The following GREB1L variants were observed in gnomAD, a reference collection of about 807,000 sequenced individuals.
GREB1L encodes the protein GREB1 like retinoic acid receptor coactivator.
In GREB1L, 17 loss-of-function variants were observed where a neutral mutation model predicts 200.8. The observed-to-expected ratio is 0.08, with a 90% CI of 0.06 to 0.13. GREB1L has a LOEUF of 0.13. Ranked by LOEUF, GREB1L falls within the 10% of genes least tolerant of loss-of-function variation. The probability of loss-of-function intolerance (pLI) is 1.00; values close to 1 mark genes in which losing one functional copy is unlikely to be tolerated. For missense variants in GREB1L, 1,657 were observed against 2,367.7 expected (o/e 0.70, Z 6.23); for synonymous variants, 789 against 893.0 (o/e 0.88, Z 2.08).
chr18:21,290,329 AT>A (rs377542452), intron 1 of GREB1L, among the ~76,000 whole-genome samples: 48 of 152,320 alleles, frequency 3.2e-4, no homozygotes, highest in African/African-American at 8.4e-4. Flanking sequence ...GCCTTGCTGT[AT>A]TTTGTATTAA....
At chr18:21,278,858 A>C (rs755813705) in intron 1 of GREB1L, among the ~76,000 whole-genome samples, 1 of 152,210 alleles carries the variant, frequency 6.6e-6, no homozygotes, top group Non-Finnish European at 1.5e-5. Flanking sequence ...AGAAAAACTC[A>C]AGACTTTTGG....
chr18:21,331,913 T>C (rs2039111683), intron 1 of GREB1L, among the ~76,000 whole-genome samples: 1 of 152,174 alleles, frequency 6.6e-6, no homozygotes, highest in Non-Finnish European at 1.5e-5. Flanking sequence ...GTGATAATAT[T>C]TAAGGTATTT....
At chr18:21,382,112 A>G (rs1598728245) in intron 2 of GREB1L, among the ~76,000 whole-genome samples, 1 of 152,328 alleles carries the variant, frequency 6.6e-6, no homozygotes, top group Admixed American at 6.5e-5. Context: ...TGGGAAGCCC[A>G]GGCAGGTGGA....
intron 18 of GREB1L, among the ~76,000 whole-genome samples, chr18:21,489,793 T>G (rs2036259293): frequency 6.6e-6 from 1 of 152,192 alleles, no homozygotes; most frequent in African/African-American, 2.4e-5. Flanking sequence ...ACCCCTTTAC[T>G]GTGCTGTACT....
chr18:21,484,165 C>CATAT (rs1365626759), intron 17 of GREB1L, among the ~76,000 whole-genome samples: 1 of 149,700 alleles, frequency 6.7e-6, no homozygotes, highest in Non-Finnish European at 1.5e-5. Flanking sequence ...TACATACATA[C>CATAT]ATATATATAT....
rs2037630578 is a variant in GREB1L, at chr18:21,523,090, TGAG to T, written c.*275_*277del. ...AAGATACGGTCTGCCCATGGGATCC[TGAG>T]GAGGATATACTTTGGAGAGTGAATA... is the stretch of plus-strand genomic sequence containing the variant. On this transcript the variant is annotated 3_prime_UTR_variant, in exon 33 of 33. Coordinates refer to ENST00000424526, the MANE Select transcript of GREB1L (RefSeq NM_001142966.3). The T allele has an allele frequency of 3.2e-6, 1 of 311,350 alleles. No individual in the cohort carries two copies. The highest frequency in any genetic ancestry group is 5.9e-6 in the Non-Finnish European group (1 of 170,100). The allele number at this position is 311,350 out of a possible 1,614,324, so 19.3% of individuals were successfully genotyped here. A position where few individuals can be genotyped will look rare whatever the true frequency, so the allele number is the denominator to read the frequency against.
At chr18:21,445,541 G>A (rs529017847) in intron 11 of GREB1L, among the ~76,000 whole-genome samples, 2 of 152,274 alleles carry the variant, frequency 1.3e-5, no homozygotes, top group East Asian at 1.9e-4. Flanking sequence ...AAAAATATTA[G>A]TATGCACTCT....
chr18:21,331,055 G>A (rs1040099341), intron 1 of GREB1L, among the ~76,000 whole-genome samples: 2 of 152,166 alleles, frequency 1.3e-5, no homozygotes, highest in African/African-American at 4.8e-5. Flanking sequence ...TTCATCTGCG[G>A]AGTTTTTTTC....
intron 1 of GREB1L, among the ~76,000 whole-genome samples, chr18:21,353,616 A>G (rs2039465362): frequency 6.6e-6 from 1 of 152,214 alleles, no homozygotes; most frequent in Admixed American, 6.5e-5. Flanking sequence ...AACTTTCACT[A>G]TAACATAATA....
At chr18:21,375,060 TTTTG>T (rs2040017430) in intron 2 of GREB1L, among the ~76,000 whole-genome samples, 1 of 136,622 alleles carries the variant, frequency 7.3e-6, no homozygotes, top group Non-Finnish European at 1.5e-5. Context: ...TTGTTTTGTT[TTTTG>T]TTTTTGTTTT....
chr18:21,245,740 C>T (rs2037586935), intron 1 of GREB1L, among the ~76,000 whole-genome samples: 1 of 148,246 alleles, frequency 6.7e-6, no homozygotes, highest in African/African-American at 2.6e-5. Context: ...TTGTTTGAGA[C>T]GAAGTCTTGC....
intron 1 of GREB1L, among the ~76,000 whole-genome samples, chr18:21,244,311 AG>A (rs1472251400): frequency 6.6e-6 from 1 of 152,214 alleles, no homozygotes; most frequent in African/African-American, 2.4e-5. Flanking sequence ...TGTCTACCGC[AG>A]TGTGTATCTG....
chr18:21,359,945 CAATA>C (rs2039558920), intron 1 of GREB1L, among the ~76,000 whole-genome samples: 1 of 152,040 alleles, frequency 6.6e-6, no homozygotes, highest in Non-Finnish European at 1.5e-5. Context: ...TGGTTGCATG[CAATA>C]AAGTAATTTG....
chr18:21,416,847 G>A (rs2031688811), intron 7 of GREB1L, among the ~76,000 whole-genome samples: 1 of 151,794 alleles, frequency 6.6e-6, no homozygotes, highest in South Asian at 2.1e-4. Context: ...ACAACATGGT[G>A]AAATCCTGTC....
rs2038254936 is a variant in GREB1L at position 21,280,723 on chromosome 18, A to G, written c.-120+38330A>G. 2.0e-5 allele frequency among the ~76,000 whole-genome samples: 3 copies of G among 151,462 alleles called. No individual in the cohort carries two copies. In the South Asian group the frequency reaches 6.3e-4, roughly 32 times the overall value. On this transcript the variant is annotated intron_variant, in intron 1 of 32. Coordinates refer to ENST00000424526, the MANE Select transcript of GREB1L (RefSeq NM_001142966.3). ...TTTTTGTTTGCTTGTTTTGTTCTCT[A>G]TTTTCCATGTCTGAGATGTTTCTCA...
intron 1 of GREB1L, among the ~76,000 whole-genome samples, chr18:21,355,592 C>A (rs1221117292): frequency 6.6e-6 from 1 of 152,146 alleles, no homozygotes; most frequent in African/African-American, 2.4e-5. Flanking sequence ...CAGACTAAAC[C>A]CTGTGGAACA....
At chr18:21,295,995 A>G (rs1238043740) in intron 1 of GREB1L, among the ~76,000 whole-genome samples, 1 of 152,262 alleles carries the variant, frequency 6.6e-6, no homozygotes, top group African/African-American at 2.4e-5. Context: ...AAATTAATTC[A>G]GCCACTATGG....
At chr18:21,395,638 A>G in intron 5 of GREB1L, 77 bp downstream of exon 5, 1 of 1,036,530 alleles carries the variant, frequency 9.6e-7, no homozygotes, top group Non-Finnish European at 1.4e-6. Context: ...CTACTGCAGA[A>G]TTTTAAAAAA....
rs1320331111 is a variant in GREB1L, at chr18:21,439,512, G to A, written c.833-9G>A. ...CTGTTCTGAGCACTCCTCTCCTTGTGTTCTACAGATGCTGCTAATGGAAAC... is the reference window on the plus strand; with the variant it reads ...CTGTTCTGAGCACTCCTCTCCTTGTATTCTACAGATGCTGCTAATGGAAAC... On this transcript the variant is annotated splice_polypyrimidine_tract_variant and intron_variant, in intron 7 of 32. Coordinates refer to ENST00000424526, the MANE Select transcript of GREB1L (RefSeq NM_001142966.3). The A allele has an allele frequency of 7.7e-5, 116 of 1,501,974 alleles. No homozygotes were observed. Among genetic ancestry groups the A allele is most frequent in the Admixed American group, 6.7e-4 (34 of 50,928 alleles). The allele number at this position is 1,501,974 out of a possible 1,614,324, so 93.0% of individuals were successfully genotyped here. A position where few individuals can be genotyped will look rare whatever the true frequency, so the allele number is the denominator to read the frequency against.
Sources: gnomAD v4.1 joint callset for allele counts (sites outside exome capture counted in the v4.1 genomes callset) on GRCh38, gnomAD v4.1.1 for gene constraint, MANE v1.5 for transcripts, NCBI Gene and HGNC (gene_info 2026-07-23, HGNC 2026-07-21) for gene names.